The following CUL5 variants were observed in gnomAD, a reference collection of about 807,000 sequenced individuals.
CUL5 encodes the protein cullin 5, also known as cullin-5.
A neutral mutation model predicts 108.8 loss-of-function variants in CUL5; 26 were observed. The observed-to-expected ratio is 0.24, with a 90% CI of 0.18 to 0.33. CUL5 has a LOEUF of 0.33. CUL5 is among the 10% of genes least tolerant of loss of function. The pLI, the probability that CUL5 is intolerant of heterozygous loss-of-function variation, is 1.00. For missense variants in CUL5, 524 were observed against 909.2 expected, an observed-to-expected ratio of 0.58 and a Z score of 5.45; for synonymous variants, 334 against 298.0, an observed-to-expected ratio of 1.12 and a Z score of -1.25.
Position 108,009,184 on chromosome 11 carries a change from C to T in CUL5, c.-165C>T, listed in dbSNP as rs1000525934. 5 of 670,156 alleles carry T rather than the reference C, an allele frequency of 7.5e-6. No homozygotes were observed. Among genetic ancestry groups the T allele is most frequent in the African/African-American group, 7.3e-5 (4 of 54,912 alleles). The allele number at this position is 670,156 out of a possible 1,614,324, so 41.5% of individuals were successfully genotyped here. On this transcript the variant is annotated 5_prime_UTR_variant, in exon 1 of 19. Transcript: ENST00000393094. The stretch of plus-strand genomic sequence containing the variant: ...GAGAAGAGTGAGGAAGCTCCTGGTG[C>T]TTGGGACGAGGTCAGCGCTGTCGGC...
chr11:108,070,335 A>G (rs1863789559), intron 8 of CUL5, 146 bp downstream of exon 8: 1 of 537,066 alleles, frequency 1.9e-6, no homozygotes, highest in African/African-American at 1.9e-5. Flanking sequence ...GGAAATAGAT[A>G]AAATATTTAA....
At chr11:108,016,261 T>A (rs576999533) in intron 1 of CUL5, among the ~76,000 whole-genome samples, 1 of 151,940 alleles carries the variant, frequency 6.6e-6, no homozygotes, top group African/African-American at 2.4e-5. Flanking sequence ...TCGTCTTCTC[T>A]TCTCTTCTCT....
chr11:108,022,003 T>G (rs1862338585), intron 1 of CUL5, among the ~76,000 whole-genome samples: 2 of 152,018 alleles, frequency 1.3e-5, no homozygotes, highest in Non-Finnish European at 2.9e-5. Context: ...TATCTACCTA[T>G]CTATCCATCG....
intron 11 of CUL5, among the ~76,000 whole-genome samples, chr11:108,082,698 G>A (rs542343124): frequency 1.3e-5 from 2 of 152,018 alleles, no homozygotes; most frequent in East Asian, 3.9e-4. Flanking sequence ...AGGCTGGAAT[G>A]CAATGGCATG....
At chr11:108,059,022 G>C (rs1863469890) in intron 7 of CUL5, among the ~76,000 whole-genome samples, 1 of 152,114 alleles carries the variant, frequency 6.6e-6, no homozygotes, top group East Asian at 1.9e-4. Context: ...TGTTTTAAGA[G>C]GCAGAGTCTC....
At chr11:108,084,474 C>A (rs938938780) in intron 11 of CUL5, among the ~76,000 whole-genome samples, 12 of 152,136 alleles carry the variant, frequency 7.9e-5, no homozygotes, top group African/African-American at 2.7e-4. Context: ...AATTGAAAGT[C>A]CAGGAGGGAC....
chr11:108,015,265 G>A (rs12418162), intron 1 of CUL5, among the ~76,000 whole-genome samples: 15,164 of 152,256 alleles, frequency 0.1, 989 homozygotes, highest in Non-Finnish European at 0.14. Flanking sequence ...CCAGAATGAA[G>A]CAAGGGAGCA....
intron 1 of CUL5, among the ~76,000 whole-genome samples, chr11:108,009,606 C>T (rs185573502): frequency 2.6e-5 from 4 of 151,394 alleles, no homozygotes; most frequent in Admixed American, 2.6e-4. Flanking sequence ...CCTGGCTGAG[C>T]GCTGGCGAGG....
chr11:108,051,630 T>C (rs1299841834), intron 4 of CUL5, among the ~76,000 whole-genome samples: 1 of 152,254 alleles, frequency 6.6e-6, no homozygotes, highest in Non-Finnish European at 1.5e-5. Context: ...TAATCACCAA[T>C]GTTTATATAC....
intron 11 of CUL5, among the ~76,000 whole-genome samples, chr11:108,084,689 G>A (rs546287266): frequency 6.6e-6 from 1 of 152,290 alleles, no homozygotes; most frequent in South Asian, 2.1e-4. Flanking sequence ...TTTTAGAAGC[G>A]ATCTCAGGTG....
intron 1 of CUL5, among the ~76,000 whole-genome samples, chr11:108,016,271 T>G (rs1051519554): frequency 1.3e-5 from 2 of 151,552 alleles, no homozygotes; most frequent in Non-Finnish European, 2.9e-5. Flanking sequence ...TTCTCTTCTC[T>G]TTTCTTTTCT....
chr11:108,016,816 A>G (rs1187992375), intron 1 of CUL5, among the ~76,000 whole-genome samples: 2 of 152,088 alleles, frequency 1.3e-5, no homozygotes, highest in Non-Finnish European at 2.9e-5. Flanking sequence ...ACAAACAAAA[A>G]GCAGGATACA....
intron 7 of CUL5, among the ~76,000 whole-genome samples, chr11:108,055,668 T>G (rs1863357913): frequency 6.6e-6 from 1 of 151,952 alleles, no homozygotes; most frequent in African/African-American, 2.4e-5. Flanking sequence ...GCTCTCTCTG[T>G]TGCCCAGGCT....
chr11:108,035,766 A>C lies in CUL5; in HGVS notation c.134+1855A>C, dbSNP rs1862724573. 3.9e-5 allele frequency among the ~76,000 whole-genome samples: 6 copies of C among 152,038 alleles called. No homozygotes were observed. In the South Asian group the frequency reaches 1.2e-3, roughly 32 times the overall value. On this transcript the variant is annotated intron_variant, in intron 2 of 18. Coordinates refer to ENST00000393094, the MANE Select transcript of CUL5 (RefSeq NM_003478.6). Reference sequence around the variant, plus strand: ...AGACCTTGTCTCAAAAAAAAAAAAAAATTGAGGCAAAGTCCTGTTTATTGA... The same window carrying C: ...AGACCTTGTCTCAAAAAAAAAAAAACATTGAGGCAAAGTCCTGTTTATTGA...
At chr11:108,024,592 G>GC (rs773089611) in intron 1 of CUL5, among the ~76,000 whole-genome samples, 26 of 152,228 alleles carry the variant, frequency 1.7e-4, no homozygotes, top group Non-Finnish European at 3.4e-4. Flanking sequence ...ACACATCTAC[G>GC]CTGAAGATTA....
At chr11:108,038,018 T>C (rs2135098620) in intron 2 of CUL5, among the ~76,000 whole-genome samples, 1 of 152,352 alleles carries the variant, frequency 6.6e-6, no homozygotes, top group South Asian at 2.1e-4. Context: ...ACTTAAAATA[T>C]TCTAATTTCC....
rs1289300046 is a variant in CUL5 at position 108,105,514 on chromosome 11, A to G, written c.*1130A>G. The stretch of plus-strand genomic sequence containing the variant: ...TTAATACGAGCAGTAAACTTGCCAA[A>G]TATATGTACATATATATTTATATAT... On this transcript the variant is annotated 3_prime_UTR_variant, in exon 19 of 19. Transcript: ENST00000393094. 1 of 152,422 alleles carries G rather than the reference A, an allele frequency of 6.6e-6. No individual in the cohort carries two copies. The highest frequency in any genetic ancestry group is 1.5e-5 in the Non-Finnish European group (1 of 67,986). The allele number at this position is 152,422 out of a possible 1,614,324, so 9.4% of individuals were successfully genotyped here.
chr11:108,072,298 G>T (rs376271612), intron 8 of CUL5, 34 bp from the exon 9 acceptor site: 4 of 1,525,058 alleles, frequency 2.6e-6, no homozygotes, highest in Non-Finnish European at 3.6e-6. Flanking sequence ...TCTAGTAAAT[G>T]AAATGATTAC....
In CUL5 at chr11:108,026,460, T is replaced by C. The variant is rs1041001915; in HGVS notation, c.25-7342T>C. ...ACTGGGAAATTAAAGCAATAAAATA[T>C]GAACTTCTCAGAGTCGTACGACATC... On this transcript the variant is annotated intron_variant, in intron 1 of 18. Coordinates refer to ENST00000393094, the MANE Select transcript of CUL5 (RefSeq NM_003478.6). Among the ~76,000 whole-genome samples, 78 of 152,292 alleles carry C rather than the reference T, an allele frequency of 5.1e-4. 1 individual carries two copies. Among genetic ancestry groups the C allele is most frequent in the Admixed American group, 1.5e-3 (23 of 15,290 alleles).
Sources: allele counts gnomAD v4.1 joint callset (sites outside exome capture counted in the v4.1 genomes callset), GRCh38; gene constraint gnomAD v4.1.1; transcripts MANE v1.5; gene names NCBI Gene and HGNC (gene_info 2026-07-23, HGNC 2026-07-21).